Variants in CEP85L observed in about 807,000 individuals in gnomAD.
CEP85L encodes centrosomal protein 85L.
In CEP85L, 60 loss-of-function variants were observed where a neutral mutation model predicts 100.3. That is an observed-to-expected ratio of 0.60 (90% confidence interval 0.49 to 0.74). The LOEUF (loss-of-function observed/expected upper bound fraction) is 0.74. Ranked by LOEUF, CEP85L falls within the 30% of genes least tolerant of loss-of-function variation. The pLI, the probability that CEP85L is intolerant of heterozygous loss-of-function variation, is 0.00. For missense variants in CEP85L, 973 were observed against 936.2 expected (o/e 1.04, Z -0.51); for synonymous variants, 319 against 322.7 (o/e 0.99, Z 0.12).
Position 118,646,288 on chromosome 6 carries a change from C to T in CEP85L, c.73+4909G>A, listed in dbSNP as rs944813551. On this transcript the variant is annotated intron_variant, in intron 1 of 12. Transcript: ENST00000368491. ...ATGCCCATCCTTAAATGACCCTATA[C>T]AATAAATTGCTCTTCTTAGAATATT... 5.4e-5 allele frequency among the ~76,000 whole-genome samples: 4 copies of T among 73,826 alleles called. No individual in the cohort carries two copies. The East Asian group carries it at 1.9e-3, about 35-fold the overall frequency. 48.4% of individuals were successfully genotyped at this position (73,826 alleles called of 152,430 possible).
At chr6:118,675,650 C>G (rs1278041297) in intron 1 of CEP85L, among the ~76,000 whole-genome samples, 1 of 149,504 alleles carries the variant, frequency 6.7e-6, no homozygotes, top group African/African-American at 2.5e-5. Context: ...CCCTTGTAAA[C>G]CCAGTGCTTT....
rs1772322035 is a variant in CEP85L, at chr6:118,463,284, A to G, written c.*2121T>C. On this transcript the variant is annotated 3_prime_UTR_variant, in exon 13 of 13. Coordinates refer to ENST00000368491, the MANE Select transcript of CEP85L (RefSeq NM_001042475.3). The stretch of plus-strand genomic sequence containing the variant: ...AAAATAAATAAACCCATAAAATCCC[A>G]AAACATACACTAAAAATCTAGGAGA... The G allele has an allele frequency of 6.6e-6, 1 of 151,986 alleles. No individual in the cohort carries two copies. Among genetic ancestry groups the G allele is most frequent in the African/African-American group, 2.4e-5 (1 of 41,424 alleles). The allele number at this position is 151,986 out of a possible 1,614,324, so 9.4% of individuals were successfully genotyped here. A position where few individuals can be genotyped will look rare whatever the true frequency, so the allele number is the denominator to read the frequency against.
chr6:118,709,600 A>G (rs1463162409), intron 1 of CEP85L, among the ~76,000 whole-genome samples: 1 of 149,502 alleles, frequency 6.7e-6, no homozygotes, highest in Non-Finnish European at 1.5e-5. Context: ...CAGTTGGCCA[A>G]GTACCCTTTA....
chr6:118,598,372 A>G (rs1781559619), intron 2 of CEP85L, among the ~76,000 whole-genome samples: 1 of 152,220 alleles, frequency 6.6e-6, no homozygotes, highest in Admixed American at 6.5e-5. Flanking sequence ...AAAATACATT[A>G]AAATTTTAAC....
At chr6:118,553,605 T>C (rs934809288) in intron 3 of CEP85L, among the ~76,000 whole-genome samples, 1 of 152,224 alleles carries the variant, frequency 6.6e-6, no homozygotes, top group Non-Finnish European at 1.5e-5. Context: ...TTATGGCATA[T>C]TTCTAAATCT....
At chr6:118,567,235 GTGTGTGTGTGTGTGTATA>G (rs1156902583) in intron 2 of CEP85L, among the ~76,000 whole-genome samples, 269 of 83,524 alleles carry the variant, frequency 3.2e-3, no homozygotes, top group East Asian at 0.017. Flanking sequence ...GTGTGTGTGT[GTGTGTGTGTGTGTGTATA>G]TATATATATA....
chr6:118,531,305 C>A (rs6938041), intron 3 of CEP85L, among the ~76,000 whole-genome samples: 70,095 of 151,918 alleles, frequency 0.46, 16,651 homozygotes, highest in Middle Eastern at 0.57. Context: ...ACTGGCTAGC[C>A]ATACACAGAA....
chr6:118,540,126 G>A (rs1289061882), intron 3 of CEP85L, among the ~76,000 whole-genome samples: 1 of 150,500 alleles, frequency 6.6e-6, no homozygotes, highest in African/African-American at 2.4e-5. Flanking sequence ...AAAAGAGGAT[G>A]AGTAGCTAGA....
At chr6:118,513,709 T>C (rs563210653) in intron 4 of CEP85L, among the ~76,000 whole-genome samples, 40 of 151,904 alleles carry the variant, frequency 2.6e-4, no homozygotes, top group Non-Finnish European at 3.7e-4. Context: ...TTTGGAAACT[T>C]AAAAGCTGAA....
chr6:118,567,738 T>C (rs1779638860), intron 2 of CEP85L, among the ~76,000 whole-genome samples: 1 of 152,160 alleles, frequency 6.6e-6, no homozygotes, highest in African/African-American at 2.4e-5. Flanking sequence ...AAAAGTTATG[T>C]TGATAAAGTT....
At chr6:118,515,919 GCCCTGGTGTGTGATATTCCTCT>G in intron 4 of CEP85L, among the ~76,000 whole-genome samples, 1 of 152,126 alleles carries the variant, frequency 6.6e-6, no homozygotes, top group Admixed American at 6.5e-5. Context: ...CCCCAGATAG[GCCCTGGTGTGTGATATTCCTCT>G]CCCTGTGTCA....
Position 118,596,678 on chromosome 6 carries a change from A to C in CEP85L, c.233-30362T>G, listed in dbSNP as rs543082826. Among the ~76,000 whole-genome samples the C allele has an allele frequency of 4.6e-5, 7 of 152,310 alleles. No individual in the cohort carries two copies. In the South Asian group the frequency reaches 1.5e-3, roughly 32 times the overall value. ...AACTGATTTTTTTAAAAAAAAAACA[A>C]GAGTACCTTTCCAGGCAATAATAAA... On this transcript the variant is annotated intron_variant, in intron 2 of 12. Coordinates refer to ENST00000368491, the MANE Select transcript of CEP85L (RefSeq NM_001042475.3).
intron 2 of CEP85L, 138 bp downstream of exon 2, chr6:118,632,315 T>C: frequency 1.4e-6 from 1 of 699,978 alleles, no homozygotes; most frequent in East Asian, 3.0e-5. Context: ...TTATTTGATA[T>C]ACAGCAACAC....
At chr6:118,695,424 G>A (rs1381921045) in intron 1 of CEP85L, among the ~76,000 whole-genome samples, 3 of 152,214 alleles carry the variant, frequency 2.0e-5, no homozygotes, top group Non-Finnish European at 4.4e-5. Context: ...ATATTTCAGA[G>A]CAGTGGCTCT....
chr6:118,594,091 CT>C (rs1781337823), intron 2 of CEP85L, among the ~76,000 whole-genome samples: 1 of 152,168 alleles, frequency 6.6e-6, no homozygotes, highest in African/African-American at 2.4e-5. Flanking sequence ...TAACTATTTA[CT>C]GTCTTCTCCT....
chr6:118,590,452 C>T (rs1781121638), intron 2 of CEP85L, among the ~76,000 whole-genome samples: 1 of 152,184 alleles, frequency 6.6e-6, no homozygotes, highest in Admixed American at 6.5e-5. Context: ...ATCATGGACA[C>T]CACCACATAT....
chr6:118,514,524 C>CAA lies in CEP85L; in HGVS notation c.1140-3111_1140-3110dup, dbSNP rs561316113. Among the ~76,000 whole-genome samples the CAA allele has an allele frequency of 7.4e-3, 648 of 87,098 alleles. 9 individuals carry two copies. Among genetic ancestry groups the CAA allele is most frequent in the African/African-American group, 0.012 (267 of 22,406 alleles). The allele number at this position is 87,098 out of a possible 152,430, so 57.1% of individuals were successfully genotyped here. A position where few individuals can be genotyped will look rare whatever the true frequency, so the allele number is the denominator to read the frequency against. ...TGGGAGACAGAGCAAGACACTGTCTCAAAAAAAAAAAAAAAAAAAGAAAAC... is the reference window on the plus strand; with the variant it reads ...TGGGAGACAGAGCAAGACACTGTCTCAAAAAAAAAAAAAAAAAAAAAGAAAAC... On this transcript the variant is annotated intron_variant, in intron 4 of 12. Coordinates refer to ENST00000368491, the MANE Select transcript of CEP85L (RefSeq NM_001042475.3).
intron 2 of CEP85L, among the ~76,000 whole-genome samples, chr6:118,626,991 G>A (rs961228544): frequency 4.6e-5 from 7 of 152,042 alleles, no homozygotes; most frequent in Non-Finnish European, 1.0e-4. Context: ...CTTGAGGCCA[G>A]GAGTTCAAGA....
At chr6:118,594,217 A>G (rs1323220490) in intron 2 of CEP85L, among the ~76,000 whole-genome samples, 1 of 152,220 alleles carries the variant, frequency 6.6e-6, no homozygotes, top group Non-Finnish European at 1.5e-5. Context: ...ATAATCCAAC[A>G]AGTCCTTATC....
Sources: allele counts gnomAD v4.1 joint callset (sites outside exome capture counted in the v4.1 genomes callset), GRCh38; gene constraint gnomAD v4.1.1; transcripts MANE v1.5; gene names NCBI Gene and HGNC (gene_info 2026-07-23, HGNC 2026-07-21).